Variants in ABHD12 observed in about 807,000 individuals in gnomAD.
ABHD12 encodes lysophosphatidylserine lipase ABHD12.
Under a neutral mutation model 58.3 loss-of-function variants are expected in ABHD12, and 43 were observed. That is an observed-to-expected ratio of 0.74 (90% CI 0.58 to 0.95). ABHD12 has a LOEUF of 0.95. Ranked by LOEUF, ABHD12 falls within the 40% of genes least tolerant of loss-of-function variation. ABHD12 has a pLI of 0.00. For missense variants in ABHD12, 539 were observed against 537.2 expected (o/e 1.00, Z -0.03); for synonymous variants, 219 against 211.2 (o/e 1.04, Z -0.32).
At chr20:25,373,546 CA>C (rs1311534608) in intron 1 of ABHD12, among the ~76,000 whole-genome samples, 15 of 144,800 alleles carry the variant, frequency 1.0e-4, no homozygotes, top group African/African-American at 1.8e-4. Flanking sequence ...GACACCGTCT[CA>C]AAAAAAAAAA....
At chr20:25,295,539 C>A, downstream of ABHD12, 1 of 1,538,332 alleles carries the variant, frequency 6.5e-7, no homozygotes, top group Non-Finnish European at 9.0e-7. Flanking sequence ...CTGGGACTCT[C>A]CCCTCGGGAC....
At chr20:25,373,560 A>T (rs75784403) in intron 1 of ABHD12, among the ~76,000 whole-genome samples, 5 of 152,084 alleles carry the variant, frequency 3.3e-5, no homozygotes, top group Middle Eastern at 3.4e-3. Context: ...AAAAAAAATT[A>T]AAAAAATAAA....
downstream of ABHD12, chr20:25,295,818 C>T (rs2088533490): frequency 2.2e-6 from 2 of 898,616 alleles, no homozygotes; most frequent in East Asian, 2.6e-5. Context: ...GTCGGCTGTG[C>T]CTGCCTTTAG....
chr20:25,358,178 T>C (rs2146079926), intron 1 of ABHD12, among the ~76,000 whole-genome samples: 1 of 152,262 alleles, frequency 6.6e-6, no homozygotes, highest in Middle Eastern at 3.4e-3. Context: ...AAATCTCAAA[T>C]TACGCTAAAT....
downstream of ABHD12, chr20:25,297,362 C>T (rs199825528): frequency 1.3e-5 from 2 of 152,394 alleles, no homozygotes; most frequent in Non-Finnish European, 2.9e-5. Context: ...TGTACTTGGT[C>T]ACTTTTGTGC....
At chr20:25,383,271 A>C (rs577354729) in intron 1 of ABHD12, among the ~76,000 whole-genome samples, 1 of 152,302 alleles carries the variant, frequency 6.6e-6, no homozygotes, top group South Asian at 2.1e-4. Flanking sequence ...CTTTGGGTAA[A>C]GGAAGAAATA....
chr20:25,350,080 C>T (rs1171152609), intron 1 of ABHD12, among the ~76,000 whole-genome samples: 1 of 152,168 alleles, frequency 6.6e-6, no homozygotes, highest in African/African-American at 2.4e-5. Flanking sequence ...AATAATAAAA[C>T]CCCTAGTGAA....
In ABHD12 at chr20:25,390,754, A is replaced by C; in HGVS notation, c.-51T>G. The C allele has an allele frequency of 2.3e-6, 1 of 437,730 alleles. No individual in the cohort carries two copies. Among genetic ancestry groups the C allele is most frequent in the Non-Finnish European group, 3.2e-6 (1 of 311,944 alleles). 27.1% of individuals were successfully genotyped at this position (437,730 alleles called of 1,614,324 possible). A position where few individuals can be genotyped will look rare whatever the true frequency, so the allele number is the denominator to read the frequency against. ...GACGGCGCCCGCTGGCCTGCGCCGC[A>C]GTGCCGCCGCTCACAGCCGCCGCCA... is the stretch of plus-strand genomic sequence containing the variant. On this transcript the variant is annotated 5_prime_UTR_variant, in exon 1 of 13. Coordinates refer to ENST00000339157, the MANE Select transcript of ABHD12 (RefSeq NM_001042472.3).
At chr20:25,388,436 C>A (rs1000504483) in intron 1 of ABHD12, among the ~76,000 whole-genome samples, 1 of 152,130 alleles carries the variant, frequency 6.6e-6, no homozygotes, top group Non-Finnish European at 1.5e-5. Flanking sequence ...ATTACAATCT[C>A]GAGTGATAAC....
intron 6 of ABHD12, chr20:25,310,360 G>C (rs2088826032): frequency 6.6e-6 from 1 of 152,240 alleles, no homozygotes; most frequent in African/African-American, 2.4e-5. Context: ...TTCCATAACA[G>C]AAAACACTAC....
downstream of ABHD12, chr20:25,296,706 A>G (rs202015775): frequency 7.7e-6 from 6 of 777,650 alleles, no homozygotes; most frequent in Non-Finnish European, 7.9e-6. Flanking sequence ...ATGTGCTAGA[A>G]GTGCTCCTAG....
In ABHD12 at chr20:25,300,226, G is replaced by A. The variant is rs2088610563; in HGVS notation, c.*619C>T. 2 of 997,176 alleles carry A rather than the reference G, an allele frequency of 2.0e-6. No individual in the cohort carries two copies. Among genetic ancestry groups the A allele is most frequent in the South Asian group, 4.4e-5 (1 of 22,602 alleles). 61.8% of individuals were successfully genotyped at this position (997,176 alleles called of 1,614,324 possible). On this transcript the variant is annotated 3_prime_UTR_variant, in exon 13 of 13. Transcript: ENST00000339157. Reference sequence around the variant, plus strand: ...AGAGAGACAAAAGGACCACCACCACGATTTTATTCTTAAATAAAGCTCAGT... The same window carrying A: ...AGAGAGACAAAAGGACCACCACCACAATTTTATTCTTAAATAAAGCTCAGT...
intron 1 of ABHD12, among the ~76,000 whole-genome samples, chr20:25,341,668 C>T (rs568541390): frequency 5.5e-4 from 84 of 152,288 alleles, no homozygotes; most frequent in Admixed American, 2.2e-3. Flanking sequence ...ACCTGCAACA[C>T]ATCTTAGCTT....
intron 2 of ABHD12, among the ~76,000 whole-genome samples, chr20:25,336,992 T>C (rs2089382320): frequency 6.6e-6 from 1 of 152,184 alleles, no homozygotes; most frequent in Admixed American, 6.5e-5. Flanking sequence ...CTGGGTGCAA[T>C]GGCTCACGCC....
intron 1 of ABHD12, among the ~76,000 whole-genome samples, chr20:25,388,782 T>C (rs1185179935): frequency 4.5e-4 from 49 of 108,184 alleles, no homozygotes; most frequent in Middle Eastern, 9.3e-3. Context: ...ACAATTTGAT[T>C]TTTTCTTTTT....
chr20:25,320,617 G>A lies in ABHD12; in HGVS notation c.423-299C>T, dbSNP rs1485118947. Among the ~76,000 whole-genome samples the A allele has an allele frequency of 2.0e-5, 3 of 152,220 alleles. No individual in the cohort carries two copies. The East Asian group carries it at 5.8e-4, about 29-fold the overall frequency. ...GCTTGCAATGTGCCAGTTACCACTG[G>A]GGCCTGGCAGAGAAGCAGCACTTAG... On this transcript the variant is annotated intron_variant, in intron 3 of 12. Coordinates refer to ENST00000339157, the MANE Select transcript of ABHD12 (RefSeq NM_001042472.3).
At chr20:25,387,963 C>T (rs925227650) in intron 1 of ABHD12, among the ~76,000 whole-genome samples, 1 of 150,550 alleles carries the variant, frequency 6.6e-6, no homozygotes, top group Non-Finnish European at 1.5e-5. Flanking sequence ...ATTGCTTGAA[C>T]CTGGGAGGTG....
chr20:25,360,782 G>A (rs944377174), intron 1 of ABHD12, among the ~76,000 whole-genome samples: 1 of 152,154 alleles, frequency 6.6e-6, no homozygotes, highest in Non-Finnish European at 1.5e-5. Flanking sequence ...AACAGCACCA[G>A]GTACCCGTGG....
intron 2 of ABHD12, among the ~76,000 whole-genome samples, chr20:25,326,084 A>T (rs1376407200): frequency 2.0e-5 from 3 of 149,002 alleles, no homozygotes; most frequent in African/African-American, 7.4e-5. Context: ...AAAAAAAAAG[A>T]AAAGAAAAAA....
Sources: allele counts gnomAD v4.1 joint callset (sites outside exome capture counted in the v4.1 genomes callset), GRCh38; gene constraint gnomAD v4.1.1; transcripts MANE v1.5; gene names NCBI Gene and HGNC (gene_info 2026-07-23, HGNC 2026-07-21).